Variants in AFAP1L2 observed in about 807,000 individuals in gnomAD.
The protein encoded by AFAP1L2 is actin filament-associated protein 1-like 2.
A neutral mutation model predicts 99.3 loss-of-function variants in AFAP1L2; 46 were observed. The observed-to-expected ratio is 0.46, with a 90% confidence interval of 0.37 to 0.59. The LOEUF is 0.59. AFAP1L2 is among the 20% of genes least tolerant of loss of function. The pLI, the probability that AFAP1L2 is intolerant of heterozygous loss-of-function variation, is 0.00. For synonymous variants in AFAP1L2, 397 were observed against 419.1 expected (o/e 0.95, Z 0.64); for missense variants, 959 against 1,034.9 (o/e 0.93, Z 1.01).
At chr10:114,288,269 T>G in the AFAP1L2 span, among the ~76,000 whole-genome samples, 1 of 152,220 alleles carries the variant, frequency 6.6e-6, no homozygotes, top group Non-Finnish European at 1.5e-5. Context: ...CCTACTGGTC[T>G]CTCTCGAAGT....
intron 6 of AFAP1L2, among the ~76,000 whole-genome samples, chr10:114,314,257 T>A (rs1410451833): frequency 6.6e-6 from 1 of 152,078 alleles, no homozygotes; most frequent in Non-Finnish European, 1.5e-5. Flanking sequence ...ATTGTCCCTC[T>A]CTCCCTCAAG....
intron 1 of AFAP1L2, among the ~76,000 whole-genome samples, chr10:114,365,631 C>A (rs1201217219): frequency 6.6e-6 from 1 of 152,050 alleles, no homozygotes; most frequent in Non-Finnish European, 1.5e-5. Flanking sequence ...GCCTTTCTAG[C>A]CCAATTTCTT....
chr10:114,368,921 A>G (rs2136913188), intron 1 of AFAP1L2, among the ~76,000 whole-genome samples: 1 of 152,254 alleles, frequency 6.6e-6, no homozygotes. Context: ...TTAAATGTAT[A>G]CAATTTTTAT....
chr10:114,299,880 A>G (rs566020189), intron 15 of AFAP1L2, among the ~76,000 whole-genome samples: 137 of 152,214 alleles, frequency 9.0e-4, no homozygotes, highest in African/African-American at 3.2e-3. Context: ...TCAGACTCCA[A>G]GTTCTTCAGC....
At chr10:114,293,105 G>A (rs192713210), downstream of AFAP1L2, among the ~76,000 whole-genome samples, 13 of 152,282 alleles carry the variant, frequency 8.5e-5, no homozygotes, top group East Asian at 9.6e-4. Context: ...CTAGAAAAGC[G>A]CTTGAAGCAG....
At chr10:114,403,753 C>T (rs1337179864) in intron 1 of AFAP1L2, among the ~76,000 whole-genome samples, 1 of 152,218 alleles carries the variant, frequency 6.6e-6, no homozygotes, top group Non-Finnish European at 1.5e-5. Flanking sequence ...CCCGCCAAAC[C>T]CAAAGCTCGC....
intron 15 of AFAP1L2, 135 bp downstream of exon 15, chr10:114,300,059 G>A (rs961224198): frequency 8.6e-6 from 11 of 1,275,480 alleles, no homozygotes; most frequent in Non-Finnish European, 1.2e-5. Flanking sequence ...CGTGGGACTT[G>A]ACCTTGTGAT....
At chr10:114,337,042 G>A (rs2048081798) in intron 2 of AFAP1L2, among the ~76,000 whole-genome samples, 1 of 152,216 alleles carries the variant, frequency 6.6e-6, no homozygotes, top group African/African-American at 2.4e-5. Flanking sequence ...AGTCTCAACA[G>A]GCTGAGCTAA....
At chr10:114,378,369 G>A (rs961260696) in intron 1 of AFAP1L2, among the ~76,000 whole-genome samples, 1 of 152,146 alleles carries the variant, frequency 6.6e-6, no homozygotes, top group Admixed American at 6.5e-5. Context: ...AATTGCTTGG[G>A]TGGAATCCAG....
Position 114,398,049 on chromosome 10 carries a change from A to G in AFAP1L2, c.16+6391T>C, listed in dbSNP as rs563128281. Among the ~76,000 whole-genome samples the G allele has an allele frequency of 9.2e-5, 14 of 152,300 alleles. No homozygotes were observed. The South Asian group carries it at 1.9e-3, about 20-fold the overall frequency. On this transcript the variant is annotated intron_variant, in intron 1 of 18. Coordinates refer to ENST00000304129, the MANE Select transcript of AFAP1L2 (RefSeq NM_001001936.3). ...CTCACTGTGTTTTTGCATCAGTCCA[A>G]TGCAACGCGTCCAGGGGGAGGCAGG...
chr10:114,371,037 T>C (rs1237473731), intron 1 of AFAP1L2, among the ~76,000 whole-genome samples: 1 of 152,208 alleles, frequency 6.6e-6, no homozygotes, highest in Non-Finnish European at 1.5e-5. Context: ...ACTTGGGGAC[T>C]GCAGCAATAC....
At chr10:114,363,324 T>C (rs2052718612) in intron 1 of AFAP1L2, among the ~76,000 whole-genome samples, 1 of 152,192 alleles carries the variant, frequency 6.6e-6, no homozygotes, top group South Asian at 2.1e-4. Context: ...AGCGTTTCAC[T>C]GGCCCAGAAT....
At chr10:114,289,782 C>T in the AFAP1L2 span, 2 of 455,210 alleles carry the variant, frequency 4.4e-6, no homozygotes, top group Non-Finnish European at 8.1e-6. Flanking sequence ...CCACAAGCTT[C>T]CTAAGGGTCT....
rs770341916 is a variant in AFAP1L2 at position 114,300,523 on chromosome 10, C to G, written c.1710G>C (p.Glu570Asp). 2 of 1,614,028 alleles carry G rather than the reference C, an allele frequency of 1.2e-6. No homozygotes were observed. Among genetic ancestry groups the G allele is most frequent in the Non-Finnish European group, 1.7e-6 (2 of 1,180,034 alleles). The change falls in exon 14 of 19, where the codon GAG (glutamate) becomes GAC (aspartate). Residue 570 changes from glutamate to aspartate, a missense_variant. Around this residue, in one of 2 missense-constraint regions of AFAP1L2, gnomAD observed 576 missense variants for 562.1 expected, o/e 1.02. Transcript: ENST00000304129. ...PTLSCLDNAT[E>D]ALPADSGPGP... ...CTGGGCCTGAGTCTGCCGGGAGGGC[C>G]TCAGTTGCATTGTCCAGGCAGGACA...
At chr10:114,282,013 T>C in the AFAP1L2 span, among the ~76,000 whole-genome samples, 2 of 117,208 alleles carry the variant, frequency 1.7e-5, no homozygotes, top group Non-Finnish European at 3.6e-5. Flanking sequence ...CCAGCTTATG[T>C]TACCTTTTTT....
rs531042056 is a variant in AFAP1L2 at position 114,379,329 on chromosome 10, G to A, written c.16+25111C>T. ...CACCTGCCCTGTTCCAGGCTATGCAGCAGATAAAGAAGTGACTACCTACCC... is the reference window on the plus strand; with the variant it reads ...CACCTGCCCTGTTCCAGGCTATGCAACAGATAAAGAAGTGACTACCTACCC... On this transcript the variant is annotated intron_variant, in intron 1 of 18. Transcript: ENST00000304129. 5.3e-5 allele frequency among the ~76,000 whole-genome samples: 8 copies of A among 151,776 alleles called. No individual in the cohort carries two copies. The South Asian group carries it at 1.0e-3, about 20-fold the overall frequency.
Position 114,295,272 on chromosome 10 carries a change from C to T in AFAP1L2, c.*770G>A. 1 of 985,058 alleles carries T rather than the reference C, an allele frequency of 1.0e-6. No individual in the cohort carries two copies. Among genetic ancestry groups the T allele is most frequent in the Non-Finnish European group, 1.2e-6 (1 of 829,224 alleles). The allele number at this position is 985,058 out of a possible 1,614,324, so 61.0% of individuals were successfully genotyped here. On this transcript the variant is annotated 3_prime_UTR_variant, in exon 19 of 19. Coordinates refer to ENST00000304129, the MANE Select transcript of AFAP1L2 (RefSeq NM_001001936.3). ...TCCTACAGTAAAGAGTCACTTTAATCTCAAAAGATACTTTTCACTGTTCTA... is the reference window on the plus strand; with the variant it reads ...TCCTACAGTAAAGAGTCACTTTAATTTCAAAAGATACTTTTCACTGTTCTA...
At chr10:114,338,723 C>T (rs1199898955) in intron 2 of AFAP1L2, among the ~76,000 whole-genome samples, 1 of 152,174 alleles carries the variant, frequency 6.6e-6, no homozygotes, top group East Asian at 1.9e-4. Flanking sequence ...CAATATCAAC[C>T]AGCACAATGG....
chr10:114,319,652 A>G (rs1043429340), intron 5 of AFAP1L2: 3 of 1,288,280 alleles, frequency 2.3e-6, no homozygotes, highest in Non-Finnish European at 3.0e-6. Flanking sequence ...TGACCTGCAT[A>G]ACATCCAGGA....
Sources: allele counts gnomAD v4.1 joint callset (sites outside exome capture counted in the v4.1 genomes callset), GRCh38; gene constraint gnomAD v4.1.1; regional missense constraint gnomAD v4.1.1; transcripts MANE v1.5; gene names NCBI Gene and HGNC (gene_info 2026-07-23, HGNC 2026-07-21).